Variants in DMXL2 observed in about 807,000 individuals in gnomAD.
DMXL2 encodes the protein Dmx like 2.
A neutral mutation model predicts 331.1 loss-of-function variants in DMXL2; 103 were observed. The observed-to-expected ratio is 0.31, with a 90% CI of 0.27 to 0.37. The LOEUF (loss-of-function observed/expected upper bound fraction) is 0.37, where lower values mean the gene tolerates loss of function less well. Ranked by LOEUF, DMXL2 falls within the 10% of genes least tolerant of loss-of-function variation. The probability of loss-of-function intolerance (pLI) is 1.00; values close to 1 mark genes in which losing one functional copy is unlikely to be tolerated. For synonymous variants in DMXL2, 1,281 were observed against 1,252.1 expected (o/e 1.02, Z -0.49); for missense variants, 3,171 against 3,642.9 (o/e 0.87, Z 3.33).
intron 13 of DMXL2, among the ~76,000 whole-genome samples, chr15:51,518,539 T>A (rs2047165394): frequency 6.6e-6 from 1 of 152,124 alleles, no homozygotes; most frequent in South Asian, 2.1e-4. Context: ...AACTAAGACA[T>A]CTGTATTTTA....
intron 1 of DMXL2, among the ~76,000 whole-genome samples, chr15:51,591,137 C>T (rs1364226413): frequency 1.3e-5 from 2 of 152,312 alleles, no homozygotes; most frequent in Non-Finnish European, 2.9e-5. Flanking sequence ...GGCGAGGCAT[C>T]GCCTCACCCA....
At position 51,491,766 on chromosome 15, in the gene DMXL2, A is replaced by G. The variant is rs1217947159; in HGVS notation, c.4784-19T>C. ...GAGACACCTAAATTGGAAATATAAA[A>G]TAATAATCTGCGTAACTGTATCAAA... On this transcript the variant is annotated intron_variant, in intron 19 of 43. Coordinates refer to ENST00000560891, the MANE Select transcript of DMXL2 (RefSeq NM_001378457.1). 1 of 1,584,532 alleles carries G rather than the reference A, an allele frequency of 6.3e-7. No homozygotes were observed. The highest frequency in any genetic ancestry group is 8.5e-7 in the Non-Finnish European group (1 of 1,170,026).
At position 51,499,552 on chromosome 15, in the gene DMXL2, T is replaced by A. The variant is rs2043436477; in HGVS notation, c.3672A>T (p.Gln1224His). The A allele has an allele frequency of 6.2e-7, 1 of 1,614,016 alleles. No homozygotes were observed. ...GAAGAACCCATCTTGACTTAACTCC[T>A]TGCTTGATACTACCACCTAGTGGTA... The part of the protein sequence containing the change: ...ITLPLGGSIK[Q>H]GVKSRWVLLR... The change falls in exon 18 of 44, where the codon CAA (glutamine) becomes CAT (histidine). Residue 1224 changes from glutamine (Q) to histidine (H), a missense_variant. By Grantham distance (24) the Gln-to-His change is conservative. This residue lies in a region of DMXL2 where 1,674 missense variants were observed against 1,780.2 expected (regional missense o/e 0.94). Coordinates refer to ENST00000560891, the MANE Select transcript of DMXL2 (RefSeq NM_001378457.1).
Position 51,480,541 on chromosome 15 carries a change from C to A in DMXL2, c.6564+1G>T. The A allele has an allele frequency of 1.3e-6, 2 of 1,509,682 alleles. No individual in the cohort carries two copies. Among genetic ancestry groups the A allele is most frequent in the South Asian group, 1.4e-5 (1 of 73,110 alleles). The allele number at this position is 1,509,682 out of a possible 1,614,324, so 93.5% of individuals were successfully genotyped here. A position where few individuals can be genotyped will look rare whatever the true frequency, so the allele number is the denominator to read the frequency against. ...GATTGAAAAAAAAGTGATATTCACACCTGTTGTGATTCTTGTAGCAAAAAT... is the reference window on the plus strand; with the variant it reads ...GATTGAAAAAAAAGTGATATTCACAACTGTTGTGATTCTTGTAGCAAAAAT... On this transcript the variant is annotated splice_donor_variant, in intron 24 of 43. Coordinates refer to ENST00000560891, the MANE Select transcript of DMXL2 (RefSeq NM_001378457.1). LOFTEE classifies it high-confidence loss of function.
At chr15:51,491,142 T>C (rs2042765135) in intron 20 of DMXL2, among the ~76,000 whole-genome samples, 1 of 152,160 alleles carries the variant, frequency 6.6e-6, no homozygotes, top group Non-Finnish European at 1.5e-5. Flanking sequence ...TCCAAAAAAC[T>C]TTATTTAAAA....
At chr15:51,518,930 C>T (rs1202143641) in intron 13 of DMXL2, among the ~76,000 whole-genome samples, 2 of 152,034 alleles carry the variant, frequency 1.3e-5, no homozygotes, top group African/African-American at 2.4e-5. Context: ...GTAAAGCATT[C>T]GCCCAGGGTG....
intron 18 of DMXL2, among the ~76,000 whole-genome samples, chr15:51,496,775 G>T (rs2043211952): frequency 6.6e-6 from 1 of 152,192 alleles, no homozygotes; most frequent in African/African-American, 2.4e-5. Context: ...ACTGGATACT[G>T]GGTATGAGAG....
chr15:51,622,063 G>A (rs904802371), intron 1 of DMXL2, among the ~76,000 whole-genome samples: 5 of 152,066 alleles, frequency 3.3e-5, no homozygotes, highest in African/African-American at 1.2e-4. Flanking sequence ...TCCACGCTCC[G>A]AGACCAACAC....
chr15:51,615,082 AAAAGG>A (rs896488979), intron 1 of DMXL2, among the ~76,000 whole-genome samples: 1 of 152,222 alleles, frequency 6.6e-6, no homozygotes, highest in Non-Finnish European at 1.5e-5. Flanking sequence ...AATGGAAGAG[AAAAGG>A]TAGATTACAA....
chr15:51,544,512 A>G (rs1247845252), intron 8 of DMXL2, among the ~76,000 whole-genome samples: 1 of 152,138 alleles, frequency 6.6e-6, no homozygotes, highest in Non-Finnish European at 1.5e-5. Context: ...ACGTTTCTTC[A>G]TAGCAGTGCA....
At chr15:51,608,219 C>T (rs990234237) in intron 1 of DMXL2, among the ~76,000 whole-genome samples, 1 of 151,894 alleles carries the variant, frequency 6.6e-6, no homozygotes, top group African/African-American at 2.4e-5. Flanking sequence ...AAAAACAGAA[C>T]TACAATTCAA....
At chr15:51,591,352 G>C (rs193101502) in intron 1 of DMXL2, among the ~76,000 whole-genome samples, 1 of 152,330 alleles carries the variant, frequency 6.6e-6, no homozygotes, top group Non-Finnish European at 1.5e-5. Context: ...AGCAGTCTGA[G>C]ATCAAACTGC....
Position 51,467,984 on chromosome 15 carries a change from C to T in DMXL2, c.7393-1673G>A, listed in dbSNP as rs1200818203. Among the ~76,000 whole-genome samples the T allele has an allele frequency of 5.3e-5, 8 of 152,266 alleles. No individual in the cohort carries two copies. The East Asian group carries it at 1.5e-3, about 29-fold the overall frequency. On this transcript the variant is annotated intron_variant, in intron 29 of 43. Transcript: ENST00000560891. Reference sequence around the variant, plus strand: ...CTCATGATCTGCCCACCTTGGCCTCCCAAAGTGCTGGGATTACAGGCGTGA... The same window carrying T: ...CTCATGATCTGCCCACCTTGGCCTCTCAAAGTGCTGGGATTACAGGCGTGA...
At chr15:51,580,255 A>G (rs562256475) in intron 1 of DMXL2, among the ~76,000 whole-genome samples, 2 of 152,338 alleles carry the variant, frequency 1.3e-5, no homozygotes, top group South Asian at 2.1e-4. Context: ...GGAAGAATTT[A>G]TAGTGCAGGA....
At position 51,449,117 on chromosome 15, in the gene DMXL2, A is replaced by C. The variant is rs555894284; in HGVS notation, c.9044T>G (p.Ile3015Ser). ...GTCAATCTGCATGACTCCAGCCCCA[A>C]TGTTTCGAAATATGGACTGCTTAGC... ...EHAKQSIFRN[I>S]GAGVMQIDII... Residue 3015 changes from isoleucine (I) to serine (S), a missense_variant, in exon 44 of 44, where the codon ATT becomes AGT. Physicochemically the swap from Ile to Ser is moderately radical, Grantham distance 142. Around this residue, in one of 7 missense-constraint regions of DMXL2, gnomAD observed 766 missense variants for 940.5 expected, o/e 0.81. Transcript: ENST00000560891. The C allele has an allele frequency of 1.2e-6, 2 of 1,614,196 alleles. No individual in the cohort carries two copies. Among genetic ancestry groups the C allele is most frequent in the Non-Finnish European group, 1.7e-6 (2 of 1,180,018 alleles).
Position 51,524,374 on chromosome 15 carries a change from C to A in DMXL2, c.2437-7207G>T, listed in dbSNP as rs116921881. Among the ~76,000 whole-genome samples, 65 of 152,286 alleles carry A rather than the reference C, an allele frequency of 4.3e-4. 3 individuals are homozygous for A. In the East Asian group the frequency reaches 0.013, roughly 29 times the overall value. ...AAGATGGCAGAATAGAGGGCTCCCC[C>A]AATCGTCCCCCAAGCAAGAACACCA... On this transcript the variant is annotated intron_variant, in intron 13 of 43. Transcript: ENST00000560891.
intron 15 of DMXL2, among the ~76,000 whole-genome samples, chr15:51,510,399 C>A (rs2046685120): frequency 6.6e-6 from 1 of 152,142 alleles, no homozygotes; most frequent in African/African-American, 2.4e-5. Context: ...CACAAGCATT[C>A]CTATACACCA....
chr15:51,597,060 T>C (rs1180724336), intron 1 of DMXL2, among the ~76,000 whole-genome samples: 2 of 151,990 alleles, frequency 1.3e-5, no homozygotes, highest in African/African-American at 4.8e-5. Context: ...ACCCTAAAAC[T>C]TAAAGTATAA....
chr15:51,575,031 G>A (rs1348483079), intron 2 of DMXL2, among the ~76,000 whole-genome samples: 1 of 152,124 alleles, frequency 6.6e-6, no homozygotes, highest in African/African-American at 2.4e-5. Context: ...ATGCTTGAGG[G>A]TGGGGAGTAC....
Sources: allele counts gnomAD v4.1 joint callset (sites outside exome capture counted in the v4.1 genomes callset), GRCh38; gene constraint gnomAD v4.1.1; regional missense constraint gnomAD v4.1.1; transcripts MANE v1.5; gene names NCBI Gene and HGNC (gene_info 2026-07-23, HGNC 2026-07-21).